PLSCR2: variants seen among roughly 807,000 people sequenced by gnomAD.
PLSCR2 encodes phospholipid scramblase 2.
A neutral mutation model predicts 25.3 loss-of-function variants in PLSCR2; 18 were observed. The ratio of observed to expected loss-of-function variants is 0.71; its 90% CI spans 0.49 to 1.06. The LOEUF (loss-of-function observed/expected upper bound fraction) is 1.06, where lower values mean the gene tolerates loss of function less well. Ranked by LOEUF, PLSCR2 falls within the 50% of genes least tolerant of loss-of-function variation. PLSCR2 has a pLI of 0.00. For synonymous variants in PLSCR2, 88 were observed against 87.3 expected (o/e 1.01, Z -0.04); for missense variants, 243 against 269.5 (o/e 0.90, Z 0.69).
intron 2 of PLSCR2, among the ~76,000 whole-genome samples, chr3:146,417,607 T>C (rs1199269896): frequency 6.6e-6 from 1 of 152,178 alleles, no homozygotes; most frequent in Non-Finnish European, 1.5e-5. Flanking sequence ...TGTTTAAATT[T>C]ATGAGAAACT....
intron 1 of PLSCR2, among the ~76,000 whole-genome samples, chr3:146,471,610 C>T (rs1449632070): frequency 6.6e-6 from 1 of 150,950 alleles, no homozygotes; most frequent in Non-Finnish European, 1.5e-5. Flanking sequence ...TCTGTTGCCC[C>T]GACTGGAGTG....
chr3:146,414,913 T>A (rs941462192), intron 2 of PLSCR2, among the ~76,000 whole-genome samples: 6 of 152,346 alleles, frequency 3.9e-5, no homozygotes, highest in East Asian at 1.9e-4. Flanking sequence ...TCAGGAATGA[T>A]CCTGCAGCCA....
At chr3:146,439,902 G>C (rs6774338), downstream of PLSCR2, among the ~76,000 whole-genome samples, 73,630 of 151,950 alleles carry the variant, frequency 0.48, 18,788 homozygotes, top group South Asian at 0.7. Context: ...CCGTCTTTGT[G>C]GTTTTATCTA....
intron 2 of PLSCR2, among the ~76,000 whole-genome samples, chr3:146,427,206 A>G (rs528298531): frequency 6.6e-6 from 1 of 152,328 alleles, no homozygotes; most frequent in Non-Finnish European, 1.5e-5. Flanking sequence ...TTTAGGCCAT[A>G]TACCATGTAT....
At chr3:146,409,636 G>A (rs551615263) in intron 2 of PLSCR2, among the ~76,000 whole-genome samples, 3 of 152,096 alleles carry the variant, frequency 2.0e-5, no homozygotes, top group Non-Finnish European at 2.9e-5. Flanking sequence ...ATTCTATCCC[G>A]CAGAGTGTCT....
At chr3:146,396,180 C>A (rs1352695192) in intron 2 of PLSCR2, among the ~76,000 whole-genome samples, 1 of 152,122 alleles carries the variant, frequency 6.6e-6, no homozygotes, top group East Asian at 1.9e-4. Context: ...ACACTTAATT[C>A]ATATTATTTG....
At chr3:146,471,280 C>T (rs1348204716) in intron 1 of PLSCR2, among the ~76,000 whole-genome samples, 1 of 152,130 alleles carries the variant, frequency 6.6e-6, no homozygotes, top group Non-Finnish European at 1.5e-5. Context: ...ACCAATAAGT[C>T]ATGGGATTTC....
chr3:146,474,608 G>A (rs550108682), intron 1 of PLSCR2, among the ~76,000 whole-genome samples: 4 of 152,048 alleles, frequency 2.6e-5, no homozygotes, highest in Non-Finnish European at 4.4e-5. Flanking sequence ...ATGATTATAT[G>A]TCTTGGGGTT....
At chr3:146,469,849 C>A (rs996773642) in intron 1 of PLSCR2, among the ~76,000 whole-genome samples, 4 of 151,534 alleles carry the variant, frequency 2.6e-5, no homozygotes, top group Non-Finnish European at 5.9e-5. Flanking sequence ...CCATCCCCGT[C>A]CCCTTTTTTG....
At chr3:146,460,075 C>T (rs374893715) in exon 2 of PLSCR2, 37 of 1,528,518 alleles carry the variant, frequency 2.4e-5, no homozygotes, top group African/African-American at 9.7e-5. Flanking sequence ...ACAATATGTC[C>T]GGGAGGTCCT....
chr3:146,403,250 G>C (rs928709536), intron 2 of PLSCR2, among the ~76,000 whole-genome samples: 11 of 152,070 alleles, frequency 7.2e-5, no homozygotes, highest in African/African-American at 2.7e-4. Context: ...CATATCTGTA[G>C]AGCTGTCTAA....
At chr3:146,424,529 G>T (rs139201343) in intron 2 of PLSCR2, among the ~76,000 whole-genome samples, 65 of 152,234 alleles carry the variant, frequency 4.3e-4, no homozygotes, top group African/African-American at 1.5e-3. Context: ...GTTTGTGGTA[G>T]ATGGTTATGC....
chr3:146,469,153 C>A (rs2042000066), intron 1 of PLSCR2: 1 of 985,486 alleles, frequency 1.0e-6, no homozygotes, highest in East Asian at 1.1e-4. Flanking sequence ...TCTAATAGCC[C>A]CACTATGCTG....
chr3:146,456,690 A>T (rs1307463872), intron 3 of PLSCR2, among the ~76,000 whole-genome samples: 1 of 152,182 alleles, frequency 6.6e-6, no homozygotes. Context: ...CAGTCGTGGT[A>T]AGGTATAAGT....
chr3:146,426,796 T>C (rs1179079641), intron 2 of PLSCR2, among the ~76,000 whole-genome samples: 3 of 152,132 alleles, frequency 2.0e-5, no homozygotes, highest in African/African-American at 7.2e-5. Context: ...TATGAAACAC[T>C]AGAAAATGGT....
intron 2 of PLSCR2, among the ~76,000 whole-genome samples, chr3:146,400,251 G>A (rs2038418942): frequency 6.6e-6 from 1 of 151,512 alleles, no homozygotes; most frequent in African/African-American, 2.4e-5. Context: ...CTACAAAAAA[G>A]CTACTAGAAT....
chr3:146,406,040 T>A (rs1175937419), intron 2 of PLSCR2, among the ~76,000 whole-genome samples: 17 of 152,170 alleles, frequency 1.1e-4, no homozygotes, highest in Admixed American at 1.1e-3. Flanking sequence ...TCTTGGGATA[T>A]AAAATCTTAA....
intron 2 of PLSCR2, chr3:146,401,677 G>C (rs1475043757): frequency 6.6e-6 from 1 of 152,242 alleles, no homozygotes; most frequent in Non-Finnish European, 1.5e-5. Flanking sequence ...CTCGAATTTA[G>C]TTAACTAACT....
chr3:146,460,111 G>T, intron 1 of PLSCR2, 28 bp from the exon 2 acceptor site: 1 of 1,458,820 alleles, frequency 6.9e-7, no homozygotes, highest in Non-Finnish European at 9.1e-7. Context: ...AAAATAATTT[G>T]TAGCTGCCCA....
Sources: allele counts gnomAD v4.1 joint callset (sites outside exome capture counted in the v4.1 genomes callset), GRCh38; gene constraint gnomAD v4.1.1; transcripts MANE v1.5; gene names NCBI Gene and HGNC (gene_info 2026-07-23, HGNC 2026-07-21).